The following ELP3 variants were observed in gnomAD, a reference collection of about 807,000 sequenced individuals.
The protein encoded by ELP3 is elongator complex protein 3.
A neutral mutation model predicts 74.9 loss-of-function variants in ELP3; 56 were observed. The ratio of observed to expected loss-of-function variants is 0.75; its 90% CI spans 0.60 to 0.93. The LOEUF (loss-of-function observed/expected upper bound fraction) is 0.93, where lower values mean the gene tolerates loss of function less well. ELP3 is among the 40% of genes least tolerant of loss of function. The pLI, the probability that ELP3 is intolerant of heterozygous loss-of-function variation, is 0.00. For missense variants in ELP3, 573 were observed against 686.5 expected, an observed-to-expected ratio of 0.83 and a Z score of 1.85; for synonymous variants, 222 against 239.8, an observed-to-expected ratio of 0.93 and a Z score of 0.68.
chr8:28,188,113 C>T (rs1184186661), intron 14 of ELP3, among the ~76,000 whole-genome samples: 1 of 152,130 alleles, frequency 6.6e-6, no homozygotes, highest in African/African-American at 2.4e-5. Context: ...GAGGGAGTGC[C>T]TGTGGCAGGT....
intron 3 of ELP3, among the ~76,000 whole-genome samples, chr8:28,100,994 C>T (rs1811457725): frequency 6.6e-6 from 1 of 152,184 alleles, no homozygotes; most frequent in Non-Finnish European, 1.5e-5. Context: ...GTGACCATAT[C>T]TCCTGGATCA....
At chr8:28,168,267 G>A (rs533408498) in intron 14 of ELP3, among the ~76,000 whole-genome samples, 1 of 152,310 alleles carries the variant, frequency 6.6e-6, no homozygotes, top group South Asian at 2.1e-4. Context: ...AATTTTTTGT[G>A]ATGTTTCCCA....
chr8:28,094,648 GGGAGAATCACT>G (rs1811182654), intron 1 of ELP3, among the ~76,000 whole-genome samples: 1 of 148,168 alleles, frequency 6.7e-6, no homozygotes, highest in Non-Finnish European at 1.5e-5. Flanking sequence ...AGGCAGAGGC[GGGAGAATCACT>G]TGAACCTGGG....
intron 9 of ELP3, among the ~76,000 whole-genome samples, chr8:28,135,528 C>G (rs1028407533): frequency 6.6e-6 from 1 of 152,160 alleles, no homozygotes; most frequent in Non-Finnish European, 1.5e-5. Flanking sequence ...CTGGCTTTTC[C>G]CTGTTTTCAG....
intron 7 of ELP3, among the ~76,000 whole-genome samples, chr8:28,114,386 G>C (rs767883142): frequency 5.9e-5 from 9 of 152,112 alleles, no homozygotes; most frequent in African/African-American, 2.2e-4. Flanking sequence ...GGTTTAATTG[G>C]TTCCAGTTCT....
chr8:28,136,865 A>G (rs1375526137), intron 9 of ELP3, among the ~76,000 whole-genome samples: 1 of 152,224 alleles, frequency 6.6e-6, no homozygotes, highest in Non-Finnish European at 1.5e-5. Context: ...TATCAGTGCA[A>G]AGTCATGGAA....
intron 5 of ELP3, among the ~76,000 whole-genome samples, chr8:28,108,448 T>A (rs1300581694): frequency 8.5e-6 from 1 of 117,220 alleles, no homozygotes; most frequent in African/African-American, 3.6e-5. Flanking sequence ...GGAATTTACA[T>A]TTTTTTTTCT....
intron 1 of ELP3, among the ~76,000 whole-genome samples, chr8:28,094,953 G>C (rs887462048): frequency 2.0e-5 from 3 of 151,976 alleles, no homozygotes; most frequent in African/African-American, 7.3e-5. Flanking sequence ...TTCCTTAAAC[G>C]TTACTTTCAA....
intron 14 of ELP3, among the ~76,000 whole-genome samples, 156 bp downstream of exon 14, chr8:28,162,234 A>T (rs1324548162): frequency 6.6e-6 from 1 of 152,214 alleles, no homozygotes; most frequent in Non-Finnish European, 1.5e-5. Flanking sequence ...AACAAAATTC[A>T]CAAAAGCAGT....
chr8:28,150,949 GT>G (rs1458508308), intron 10 of ELP3, among the ~76,000 whole-genome samples: 1 of 152,050 alleles, frequency 6.6e-6, no homozygotes, highest in African/African-American at 2.4e-5. Flanking sequence ...ATGTGCCTCC[GT>G]TTTTTGTGGG....
intron 7 of ELP3, among the ~76,000 whole-genome samples, chr8:28,116,046 G>A (rs1001359745): frequency 6.6e-6 from 1 of 152,206 alleles, no homozygotes; most frequent in African/African-American, 2.4e-5. Context: ...CACATAGTAA[G>A]CACAAGTAAA....
chr8:28,154,147 G>A (rs1813742614), intron 10 of ELP3, among the ~76,000 whole-genome samples: 1 of 152,166 alleles, frequency 6.6e-6, no homozygotes, highest in African/African-American at 2.4e-5. Flanking sequence ...TGCTGTCCAT[G>A]AGTTATAGTG....
intron 14 of ELP3, among the ~76,000 whole-genome samples, chr8:28,174,228 T>C (rs1435651135): frequency 6.6e-6 from 1 of 152,034 alleles, no homozygotes; most frequent in Admixed American, 6.5e-5. Context: ...AACTATTTAT[T>C]TCTCCCTTAA....
chr8:28,189,890 TCTG>T lies in ELP3; in HGVS notation c.*169_*171del, dbSNP rs1286220804. Reference sequence around the variant, plus strand: ...CTGCCTTCAAGGCCACGGCTGGTCATCTGCTGACCACACCCCAGATCCGCCCTC... The same window carrying T: ...CTGCCTTCAAGGCCACGGCTGGTCATCTGACCACACCCCAGATCCGCCCTC... On this transcript the variant is annotated 3_prime_UTR_variant, in exon 15 of 15. Coordinates refer to ENST00000256398, the MANE Select transcript of ELP3 (RefSeq NM_018091.6). 8.9e-6 allele frequency: 6 copies of T among 674,964 alleles called. No individual in the cohort carries two copies. Among genetic ancestry groups the T allele is most frequent in the Non-Finnish European group, 1.2e-5 (5 of 402,266 alleles). The allele number at this position is 674,964 out of a possible 1,614,324, so 41.8% of individuals were successfully genotyped here.
Position 28,113,148 on chromosome 8 carries a change from T to A in ELP3, c.592T>A (p.Ser198Thr), listed in dbSNP as rs758288897. Reference protein sequence around the residue: ...NLHDALSGHTSNNIYEAVKYS... With the variant: ...NLHDALSGHTTNNIYEAVKYS... The stretch of plus-strand genomic sequence containing the variant: ...ACATGATGCCTTATCAGGACATACT[T>A]CCAACAATATTTACGAGGCAGTCAA... Residue 198 changes from serine to threonine, a missense_variant, in exon 7 of 15, where the codon TCC becomes ACC. Ser to Thr is a moderately conservative substitution (Grantham distance 58). Coordinates refer to ENST00000256398, the MANE Select transcript of ELP3 (RefSeq NM_018091.6). The A allele has an allele frequency of 6.2e-7, 1 of 1,613,082 alleles. No individual in the cohort carries two copies. The highest frequency in any genetic ancestry group is 1.1e-5 in the South Asian group (1 of 90,810).
At chr8:28,133,788 A>G (rs1403931709) in intron 9 of ELP3, among the ~76,000 whole-genome samples, 2 of 152,156 alleles carry the variant, frequency 1.3e-5, no homozygotes, top group African/African-American at 4.8e-5. Flanking sequence ...GCACCTGAGG[A>G]CCTGTTTATG....
chr8:28,112,624 A>ACG, intron 6 of ELP3: 1 of 154,340 alleles, frequency 6.5e-6, no homozygotes. Flanking sequence ...TTGACCATAA[A>ACG]TGCCACCTTT....
rs777937073 is a variant in ELP3, at chr8:28,160,454, C to A, written c.1483C>A (p.Gln495Lys). 6.2e-7 allele frequency: 1 copy of A among 1,613,022 alleles called. No homozygotes were observed. The highest frequency in any genetic ancestry group is 1.7e-5 in the Admixed American group (1 of 59,920). ...CCGGGATCCTACTAAATTTCAGCAT[C>A]AGGTATCCTGTATTCCATTTCTATT... ...SSRDPTKFQH[Q>K]GFGMLLMEEA... The change falls in exon 13 of 15, where the codon CAG becomes AAG. Residue 495 changes from glutamine to lysine, a missense_variant and splice_region_variant. By Grantham distance (53) the Gln-to-Lys change is moderately conservative (BLOSUM62 1). Transcript: ENST00000256398.
chr8:28,118,479 G>A (rs980619210), intron 7 of ELP3, among the ~76,000 whole-genome samples: 2 of 152,186 alleles, frequency 1.3e-5, no homozygotes, highest in Non-Finnish European at 2.9e-5. Context: ...GACAAAACAG[G>A]TATGGCTTTT....
Sources: allele counts gnomAD v4.1 joint callset (sites outside exome capture counted in the v4.1 genomes callset), GRCh38; gene constraint gnomAD v4.1.1; transcripts MANE v1.5; gene names NCBI Gene and HGNC (gene_info 2026-07-23, HGNC 2026-07-21).